The following LRRC20 variants were observed in gnomAD, a reference collection of about 807,000 sequenced individuals.
LRRC20 encodes leucine-rich repeat-containing protein 20.
Under a neutral mutation model 14.4 loss-of-function variants are expected in LRRC20, and 11 were observed. The ratio of observed to expected loss-of-function variants is 0.77; its 90% CI spans 0.48 to 1.27. LRRC20 has a LOEUF of 1.27. LRRC20 is among the 50% of genes most tolerant of loss of function. The pLI is 0.00. For synonymous variants in LRRC20, 121 were observed against 107.3 expected, an observed-to-expected ratio of 1.13 and a Z score of -0.79; for missense variants, 219 against 251.2, an observed-to-expected ratio of 0.87 and a Z score of 0.87.
At chr10:70,325,794 G>A (rs1165138244) in intron 3 of LRRC20, among the ~76,000 whole-genome samples, 3 of 152,214 alleles carry the variant, frequency 2.0e-5, no homozygotes, top group South Asian at 2.1e-4. Flanking sequence ...GGCCCTCTGA[G>A]TCTGTCCTTC....
chr10:70,367,772 A>G (rs1372204637), intron 2 of LRRC20, among the ~76,000 whole-genome samples: 2 of 151,972 alleles, frequency 1.3e-5, no homozygotes, highest in African/African-American at 4.8e-5. Flanking sequence ...TTATAAAAAC[A>G]TATGTTTGTC....
chr10:70,341,928 C>T (rs2137024106), intron 2 of LRRC20, among the ~76,000 whole-genome samples: 2 of 152,234 alleles, frequency 1.3e-5, no homozygotes, highest in Middle Eastern at 3.4e-3. Flanking sequence ...TAGGCAAATG[C>T]ATACAGACGG....
chr10:70,343,595 G>C (rs1335690327), intron 2 of LRRC20, among the ~76,000 whole-genome samples: 2 of 152,242 alleles, frequency 1.3e-5, no homozygotes, highest in Admixed American at 1.3e-4. Context: ...TTTCAGAAGA[G>C]AGAAAGCAAG....
intron 4 of LRRC20, among the ~76,000 whole-genome samples, chr10:70,307,876 A>G (rs1003325772): frequency 2.0e-5 from 3 of 152,344 alleles, no homozygotes; most frequent in South Asian, 2.1e-4. Flanking sequence ...ATGCAGTACA[A>G]CAGCACAGTG....
chr10:70,335,587 C>A (rs137883631), intron 3 of LRRC20, among the ~76,000 whole-genome samples: 62 of 152,332 alleles, frequency 4.1e-4, no homozygotes, highest in African/African-American at 1.4e-3. Context: ...TCCGTGCCTT[C>A]CTGGCCTGGC....
chr10:70,376,120 C>T (rs1262696971), intron 2 of LRRC20, among the ~76,000 whole-genome samples: 2 of 152,066 alleles, frequency 1.3e-5, no homozygotes, highest in East Asian at 1.9e-4. Context: ...ATTCAGGAGG[C>T]GCCCAGCACG....
chr10:70,376,957 G>A (rs920440691), intron 1 of LRRC20, among the ~76,000 whole-genome samples: 4 of 152,200 alleles, frequency 2.6e-5, no homozygotes, highest in African/African-American at 9.7e-5. Flanking sequence ...GAGGTAGGGC[G>A]CAGCCAACTG....
intron 2 of LRRC20, among the ~76,000 whole-genome samples, chr10:70,372,689 G>A (rs1025379824): frequency 2.4e-4 from 36 of 151,956 alleles, no homozygotes; most frequent in South Asian, 1.9e-3. Flanking sequence ...TGATCCGCCC[G>A]CCTCGGCCAC....
chr10:70,326,297 TACACACACACACAC>T (rs3998644), intron 3 of LRRC20, among the ~76,000 whole-genome samples: 4 of 140,382 alleles, frequency 2.8e-5, no homozygotes, highest in African/African-American at 8.2e-5. Context: ...CGCCTCTGTG[TACACACACACACAC>T]ACACACACAC....
At position 70,300,720 on chromosome 10, in the gene LRRC20, A is replaced by G. The variant is rs1841141433; in HGVS notation, c.*634T>C. The G allele has an allele frequency of 2.0e-6, 2 of 985,506 alleles. No homozygotes were observed. The highest frequency in any genetic ancestry group is 1.7e-5 in the African/African-American group (1 of 57,242). The allele number at this position is 985,506 out of a possible 1,614,324, so 61.0% of individuals were successfully genotyped here. A position where few individuals can be genotyped will look rare whatever the true frequency, so the allele number is the denominator to read the frequency against. ...CCAGCCTGCTGGTCCTCGGGCTCCTACATGAATGTTCTTGCCCTGCAGCAG... is the reference window on the plus strand; with the variant it reads ...CCAGCCTGCTGGTCCTCGGGCTCCTGCATGAATGTTCTTGCCCTGCAGCAG... On this transcript the variant is annotated 3_prime_UTR_variant, in exon 5 of 5. Coordinates refer to ENST00000446961, the MANE Select transcript of LRRC20 (RefSeq NM_001278212.2).
At chr10:70,376,422 G>GA in intron 2 of LRRC20, 30 bp downstream of exon 2, 1 of 1,609,416 alleles carries the variant, frequency 6.2e-7, no homozygotes, top group Non-Finnish European at 8.5e-7. Flanking sequence ...TGCTTCCAGG[G>GA]AAGTTGGGAA....
intron 4 of LRRC20, among the ~76,000 whole-genome samples, chr10:70,315,186 C>T (rs923535906): frequency 9.9e-5 from 15 of 152,130 alleles, no homozygotes; most frequent in African/African-American, 2.9e-4. Flanking sequence ...CACTAGTGCA[C>T]GGGACAATGC....
intron 2 of LRRC20, among the ~76,000 whole-genome samples, chr10:70,376,121 G>C (rs1191628483): frequency 6.6e-6 from 1 of 152,042 alleles, no homozygotes; most frequent in Non-Finnish European, 1.5e-5. Context: ...TTCAGGAGGC[G>C]CCCAGCACGG....
chr10:70,350,108 G>C (rs908929977), intron 2 of LRRC20, among the ~76,000 whole-genome samples: 4 of 151,512 alleles, frequency 2.6e-5, no homozygotes, highest in South Asian at 2.1e-4. Flanking sequence ...GAAGGCTCCT[G>C]GCATTGGAAT....
At chr10:70,361,180 C>T (rs750606595) in intron 2 of LRRC20, among the ~76,000 whole-genome samples, 2 of 152,196 alleles carry the variant, frequency 1.3e-5, no homozygotes, top group Non-Finnish European at 2.9e-5. Context: ...ACCACTGCAG[C>T]TCATGAGGCC....
chr10:70,349,044 A>C (rs1408609093), intron 2 of LRRC20, among the ~76,000 whole-genome samples: 1 of 152,240 alleles, frequency 6.6e-6, no homozygotes, highest in Non-Finnish European at 1.5e-5. Flanking sequence ...AGGGAAGAGA[A>C]GATCCAGGCT....
At chr10:70,309,879 C>T (rs747845926) in intron 4 of LRRC20, among the ~76,000 whole-genome samples, 103 of 152,376 alleles carry the variant, frequency 6.8e-4, no homozygotes, top group Non-Finnish European at 1.2e-3. Context: ...AGCCCAGCCC[C>T]GGAACACATC....
chr10:70,363,267 G>A (rs1843823270), intron 2 of LRRC20, among the ~76,000 whole-genome samples: 2 of 149,466 alleles, frequency 1.3e-5, no homozygotes, highest in African/African-American at 2.5e-5. Flanking sequence ...GAGGGAAGGG[G>A]AGGGGAGGGG....
intron 2 of LRRC20, among the ~76,000 whole-genome samples, chr10:70,372,701 C>T (rs1274517804): frequency 2.6e-5 from 4 of 152,064 alleles, no homozygotes; most frequent in African/African-American, 4.8e-5. Flanking sequence ...CTCGGCCACC[C>T]AAAGTGCTGG....
Sources: allele counts gnomAD v4.1 joint callset (sites outside exome capture counted in the v4.1 genomes callset), GRCh38; gene constraint gnomAD v4.1.1; transcripts MANE v1.5; gene names NCBI Gene and HGNC (gene_info 2026-07-23, HGNC 2026-07-21).